Variants in SCAMP1 observed in about 807,000 individuals in gnomAD.
SCAMP1 encodes the protein secretory carrier-associated membrane protein 1.
In SCAMP1, 15 loss-of-function variants were observed where a neutral mutation model predicts 41.8. The observed-to-expected ratio is 0.36, with a 90% confidence interval of 0.24 to 0.55. SCAMP1 has a LOEUF of 0.55. Among genes scored for constraint, SCAMP1 ranks in the 20% least tolerant of loss-of-function variants. The probability of loss-of-function intolerance (pLI) is 0.86; values close to 1 mark genes in which losing one functional copy is unlikely to be tolerated. For missense variants in SCAMP1, 341 were observed against 412.6 expected, an observed-to-expected ratio of 0.83 and a Z score of 1.50; for synonymous variants, 135 against 136.8, an observed-to-expected ratio of 0.99 and a Z score of 0.09.
chr5:78,457,318 A>G (rs1039456624), intron 7 of SCAMP1, among the ~76,000 whole-genome samples: 1 of 151,888 alleles, frequency 6.6e-6, no homozygotes, highest in Admixed American at 6.6e-5. Context: ...TTGTGGTTTT[A>G]TCTACTTTTG....
Position 78,360,646 on chromosome 5 carries a change from G to T in SCAMP1, c.-26G>T. ...CGTCTCTCTCTCTGCGCCTGGGTCG[G>T]GTGGGTGACGCCGAGAGCCAGAGAG... On this transcript the variant is annotated 5_prime_UTR_variant, in exon 1 of 9. Coordinates refer to ENST00000621999, the MANE Select transcript of SCAMP1 (RefSeq NM_004866.6). The T allele has an allele frequency of 6.2e-7, 1 of 1,600,482 alleles. No individual in the cohort carries two copies. The highest frequency in any genetic ancestry group is 8.5e-7 in the Non-Finnish European group (1 of 1,174,204).
intron 1 of SCAMP1, among the ~76,000 whole-genome samples, chr5:78,367,326 G>A (rs879881927): frequency 2.1e-4 from 32 of 152,220 alleles, no homozygotes; most frequent in Middle Eastern, 3.4e-3. Context: ...TGTTAATTGC[G>A]CTAGACTTAG....
intron 7 of SCAMP1, among the ~76,000 whole-genome samples, chr5:78,458,143 T>G (rs1235919577): frequency 6.6e-6 from 1 of 152,160 alleles, no homozygotes. Flanking sequence ...ATCACCCGTC[T>G]TCTGCGTCGC....
chr5:78,414,304 A>G (rs2112134078), intron 2 of SCAMP1, among the ~76,000 whole-genome samples: 1 of 151,626 alleles, frequency 6.6e-6, no homozygotes, highest in African/African-American at 2.4e-5. Flanking sequence ...ATTTTTTGAG[A>G]TGGAGTCTTG....
intron 6 of SCAMP1, 80 bp downstream of exon 6, chr5:78,422,040 G>C: frequency 2.4e-6 from 3 of 1,225,790 alleles, no homozygotes; most frequent in South Asian, 3.2e-5. Context: ...AGGGAAAATT[G>C]ATGCATTTTC....
chr5:78,393,794 A>G (rs1212735757), intron 2 of SCAMP1, among the ~76,000 whole-genome samples: 1 of 152,160 alleles, frequency 6.6e-6, no homozygotes, highest in Non-Finnish European at 1.5e-5. Context: ...ATGTATGTTT[A>G]TGGGGAATGT....
chr5:78,404,897 C>T (rs536447070), intron 2 of SCAMP1, among the ~76,000 whole-genome samples: 1 of 152,332 alleles, frequency 6.6e-6, no homozygotes, highest in South Asian at 2.1e-4. Flanking sequence ...CGAGGGGACT[C>T]ACCACATGAA....
At chr5:78,362,424 C>G (rs1343659745) in intron 1 of SCAMP1, among the ~76,000 whole-genome samples, 2 of 152,212 alleles carry the variant, frequency 1.3e-5, no homozygotes, top group Non-Finnish European at 2.9e-5. Context: ...TTTGTGACAT[C>G]TGATATTGCC....
chr5:78,401,011 C>T (rs545386187), intron 2 of SCAMP1, among the ~76,000 whole-genome samples: 1 of 152,090 alleles, frequency 6.6e-6, no homozygotes, highest in Non-Finnish European at 1.5e-5. Flanking sequence ...GAGGAAGTTC[C>T]CCTCTATTCC....
At chr5:78,448,155 CCTT>C (rs1208233418) in intron 6 of SCAMP1, among the ~76,000 whole-genome samples, 26 of 113,620 alleles carry the variant, frequency 2.3e-4, no homozygotes, top group African/African-American at 8.9e-4. Context: ...TCTTCTTCCT[CCTT>C]CTCCTCCTCC....
intron 8 of SCAMP1, among the ~76,000 whole-genome samples, chr5:78,460,594 T>TGG (rs1554047008): frequency 2.5e-4 from 3 of 11,946 alleles, no homozygotes; most frequent in African/African-American, 4.1e-4. Context: ...TTAATGGGGT[T>TGG]TTTTTTTTCT....
At chr5:78,402,860 T>C (rs1751832630) in intron 2 of SCAMP1, among the ~76,000 whole-genome samples, 1 of 152,148 alleles carries the variant, frequency 6.6e-6, no homozygotes, top group Non-Finnish European at 1.5e-5. Flanking sequence ...CTTTTTGTCT[T>C]CTACTCTTGG....
chr5:78,396,357 A>G (rs1344963530), intron 2 of SCAMP1, among the ~76,000 whole-genome samples: 2 of 152,204 alleles, frequency 1.3e-5, no homozygotes, highest in Non-Finnish European at 2.9e-5. Flanking sequence ...GGACAGGGAT[A>G]TATGGAAAAT....
chr5:78,367,659 G>C (rs901067381), intron 1 of SCAMP1, among the ~76,000 whole-genome samples: 1 of 152,192 alleles, frequency 6.6e-6, no homozygotes, highest in African/African-American at 2.4e-5. Flanking sequence ...CAAGCAATAG[G>C]CTCCACTTCT....
chr5:78,460,803 TCCTCCCTTCCTTC>T (rs1753580611), intron 8 of SCAMP1, among the ~76,000 whole-genome samples: 7 of 45,734 alleles, frequency 1.5e-4, no homozygotes, highest in African/African-American at 2.5e-4. Flanking sequence ...CTTCCTTCCT[TCCTCCCTTCCTTC>T]CTTCCTTTCT....
At chr5:78,375,330 G>T (rs958822933) in intron 1 of SCAMP1, among the ~76,000 whole-genome samples, 1 of 151,912 alleles carries the variant, frequency 6.6e-6, no homozygotes, top group Non-Finnish European at 1.5e-5. Flanking sequence ...TTTAGATTTG[G>T]ATTTGAATCC....
chr5:78,363,256 A>G (rs1750706877), intron 1 of SCAMP1, among the ~76,000 whole-genome samples: 1 of 146,098 alleles, frequency 6.8e-6, no homozygotes, highest in Non-Finnish European at 1.5e-5. Flanking sequence ...TCTGTCGCCC[A>G]GGTTGGAGTG....
At chr5:78,401,208 AT>A (rs1458948026) in intron 2 of SCAMP1, among the ~76,000 whole-genome samples, 2 of 151,908 alleles carry the variant, frequency 1.3e-5, no homozygotes, top group East Asian at 3.9e-4. Context: ...TTTGTATGTG[AT>A]TCGTTTCATA....
intron 1 of SCAMP1, among the ~76,000 whole-genome samples, chr5:78,364,524 C>T (rs1373624899): frequency 6.6e-6 from 1 of 152,046 alleles, no homozygotes; most frequent in Non-Finnish European, 1.5e-5. Context: ...TTGTCTTGTG[C>T]CCATGTGTAG....
Sources: gnomAD v4.1 joint callset for allele counts (sites outside exome capture counted in the v4.1 genomes callset) on GRCh38, gnomAD v4.1.1 for gene constraint, MANE v1.5 for transcripts, NCBI Gene and HGNC (gene_info 2026-07-23, HGNC 2026-07-21) for gene names.